The following GRID2 variants were observed in gnomAD, a reference collection of about 807,000 sequenced individuals.
The protein encoded by GRID2 is glutamate ionotropic receptor delta type subunit 2.
Under a neutral mutation model 114.8 loss-of-function variants are expected in GRID2, and 33 were observed. The ratio of observed to expected loss-of-function variants is 0.29; its 90% CI spans 0.22 to 0.38. GRID2 has a LOEUF of 0.38. Among genes scored for constraint, GRID2 ranks in the 10% least tolerant of loss-of-function variants. The pLI, the probability that GRID2 is intolerant of heterozygous loss-of-function variation, is 1.00. For synonymous variants in GRID2, 505 were observed against 449.9 expected (o/e 1.12, Z -1.55); for missense variants, 1,184 against 1,257.7 (o/e 0.94, Z 0.89).
intron 2 of GRID2, among the ~76,000 whole-genome samples, chr4:92,943,149 A>G (rs1751309494): frequency 6.6e-6 from 1 of 152,084 alleles, no homozygotes; most frequent in South Asian, 2.1e-4. Flanking sequence ...CTCCTGGATA[A>G]TATCCTGCAG....
intron 1 of GRID2, among the ~76,000 whole-genome samples, chr4:92,450,382 A>G (rs1414140087): frequency 6.6e-6 from 1 of 152,074 alleles, no homozygotes; most frequent in Non-Finnish European, 1.5e-5. Context: ...AAATCAAATG[A>G]TAAGACCTCG....
At chr4:93,050,167 A>G (rs1195041918) in intron 2 of GRID2, among the ~76,000 whole-genome samples, 4 of 152,084 alleles carry the variant, frequency 2.6e-5, no homozygotes, top group Non-Finnish European at 5.9e-5. Context: ...GTAGCTAACA[A>G]TGTATAGCCC....
intron 2 of GRID2, among the ~76,000 whole-genome samples, chr4:93,073,101 G>T (rs1275481896): frequency 6.6e-6 from 1 of 152,122 alleles, no homozygotes. Flanking sequence ...TTCTTGCATA[G>T]TTTTCACCAA....
intron 1 of GRID2, among the ~76,000 whole-genome samples, chr4:92,457,425 G>A (rs1448969356): frequency 6.6e-6 from 1 of 152,070 alleles, no homozygotes. Flanking sequence ...ATTATACAGA[G>A]TAAATATGTA....
At chr4:93,500,326 C>T (rs1320391320) in intron 12 of GRID2, among the ~76,000 whole-genome samples, 6 of 151,952 alleles carry the variant, frequency 3.9e-5, no homozygotes. Context: ...AATAATATAA[C>T]ACAGTCCATG....
chr4:92,580,894 T>TTTG (rs66947046), intron 1 of GRID2, among the ~76,000 whole-genome samples: 37,818 of 144,026 alleles, frequency 0.26, 4,850 homozygotes, highest in Middle Eastern at 0.34. Context: ...CTATTTGTTT[T>TTTG]TTTTTTTTTT....
At chr4:93,509,549 G>A (rs1195931770) in intron 12 of GRID2, among the ~76,000 whole-genome samples, 1 of 152,112 alleles carries the variant, frequency 6.6e-6, no homozygotes, top group Non-Finnish European at 1.5e-5. Flanking sequence ...CAAACCTCTA[G>A]ATACCTTAAT....
chr4:93,614,797 A>T (rs1560821362), intron 13 of GRID2, among the ~76,000 whole-genome samples: 1 of 152,226 alleles, frequency 6.6e-6, no homozygotes, highest in East Asian at 1.9e-4. Context: ...TATAAGTGTG[A>T]AACTTTTTAA....
At chr4:93,710,819 G>A (rs1039989139) in intron 14 of GRID2, among the ~76,000 whole-genome samples, 8 of 151,328 alleles carry the variant, frequency 5.3e-5, no homozygotes, top group East Asian at 1.9e-4. Context: ...TTACTCTTCC[G>A]TCTCCTTTCC....
intron 2 of GRID2, among the ~76,000 whole-genome samples, chr4:92,972,739 T>A (rs2149173758): frequency 6.6e-6 from 1 of 152,214 alleles, no homozygotes; most frequent in East Asian, 1.9e-4. Flanking sequence ...TTACTTTTCC[T>A]GATCCTCTCC....
chr4:93,407,582 C>A (rs1213419964), intron 9 of GRID2, among the ~76,000 whole-genome samples: 1 of 152,094 alleles, frequency 6.6e-6, no homozygotes, highest in African/African-American at 2.4e-5. Context: ...AATATGTGAT[C>A]CTTGCATCAT....
At chr4:93,679,153 A>C (rs1725240740) in intron 14 of GRID2, among the ~76,000 whole-genome samples, 1 of 151,254 alleles carries the variant, frequency 6.6e-6, no homozygotes, top group African/African-American at 2.5e-5. Context: ...ACAGACTTTA[A>C]ACCAACAAAA....
Position 92,750,846 on chromosome 4 carries a change from TATAC to T in GRID2, c.244+160568_244+160571del, listed in dbSNP as rs1374918657. 5.3e-5 allele frequency among the ~76,000 whole-genome samples: 8 copies of T among 152,354 alleles called. No individual in the cohort carries two copies. The East Asian group carries it at 7.7e-4, about 15-fold the overall frequency. ...ATATTCAAATATATACTTGAAAATA[TATAC>T]ATACATATTTATTGGTAACAATAAT... On this transcript the variant is annotated intron_variant, in intron 2 of 15. Transcript: ENST00000282020.
At chr4:93,579,471 A>G (rs543458012) in intron 13 of GRID2, among the ~76,000 whole-genome samples, 1 of 152,174 alleles carries the variant, frequency 6.6e-6, no homozygotes, top group African/African-American at 2.4e-5. Flanking sequence ...CAAATCACCT[A>G]AAGTTTTCCT....
intron 14 of GRID2, among the ~76,000 whole-genome samples, chr4:93,646,452 A>G (rs1463254661): frequency 6.6e-6 from 1 of 152,198 alleles, no homozygotes; most frequent in Non-Finnish European, 1.5e-5. Context: ...CAAACAAGGC[A>G]GTCATATAAA....
intron 2 of GRID2, among the ~76,000 whole-genome samples, chr4:92,886,906 T>A (rs1746412360): frequency 6.6e-6 from 1 of 152,126 alleles, no homozygotes; most frequent in Admixed American, 6.5e-5. Flanking sequence ...ATTATAGGCG[T>A]GAGCCACCAC....
intron 6 of GRID2, among the ~76,000 whole-genome samples, chr4:93,218,005 T>C (rs1050735636): frequency 6.6e-6 from 1 of 151,906 alleles, no homozygotes; most frequent in Non-Finnish European, 1.5e-5. Context: ...TAATACTAGA[T>C]AAATAAGGTG....
Position 92,789,064 on chromosome 4 carries a change from T to C in GRID2, c.244+198778T>C, listed in dbSNP as rs151067445. ...ACTTAAAAGATAATTTTGTCAGATA[T>C]ACAATTCTGGATTTGTGGTTATTTT... On this transcript the variant is annotated intron_variant, in intron 2 of 15. Coordinates refer to ENST00000282020, the MANE Select transcript of GRID2 (RefSeq NM_001510.4). 2.6e-5 allele frequency among the ~76,000 whole-genome samples: 4 copies of C among 152,042 alleles called. No homozygotes were observed. The South Asian group carries it at 6.2e-4, about 24-fold the overall frequency.
intron 8 of GRID2, among the ~76,000 whole-genome samples, chr4:93,369,970 C>T (rs1461166906): frequency 6.6e-6 from 1 of 152,014 alleles, no homozygotes; most frequent in Non-Finnish European, 1.5e-5. Context: ...AGTCATATTC[C>T]CAGTGCACAT....
Sources: allele counts gnomAD v4.1 joint callset (sites outside exome capture counted in the v4.1 genomes callset), GRCh38; gene constraint gnomAD v4.1.1; transcripts MANE v1.5; gene names NCBI Gene and HGNC (gene_info 2026-07-23, HGNC 2026-07-21).